Variants in FAM228B observed in about 807,000 individuals in gnomAD.
FAM228B encodes protein FAM228B.
In FAM228B, 38 loss-of-function variants were observed where a neutral mutation model predicts 42.6. The ratio of observed to expected loss-of-function variants is 0.89; its 90% confidence interval spans 0.69 to 1.17. FAM228B has a LOEUF of 1.17. Ranked by LOEUF, FAM228B falls within the 50% of genes most tolerant of loss-of-function variation. The probability of loss-of-function intolerance (pLI) is 0.00; values close to 1 mark genes in which losing one functional copy is unlikely to be tolerated. For missense variants in FAM228B, 344 were observed against 367.3 expected (o/e 0.94, Z 0.52); for synonymous variants, 109 against 122.3 (o/e 0.89, Z 0.72).
chr2:24,167,662 A>G lies in FAM228B; in HGVS notation c.968A>G (p.Glu323Gly), dbSNP rs1667458727. 6.4e-7 allele frequency: 1 copy of G among 1,551,426 alleles called. No individual in the cohort carries two copies. Among genetic ancestry groups the G allele is most frequent in the Non-Finnish European group, 8.7e-7 (1 of 1,146,882 alleles). ...CCGCGTTTGGGGCTGCTGAAGCTGGAGCTATAAGAAAGAAGAGGGAGGTAG... is the reference window on the plus strand; with the variant it reads ...CCGCGTTTGGGGCTGCTGAAGCTGGGGCTATAAGAAAGAAGAGGGAGGTAG... ...PSPRLGLLKL[E>G]L Residue 323 changes from glutamate to glycine, a missense_variant, in exon 10 of 11, where the codon GAG (glutamate) becomes GGG (glycine). Coordinates refer to ENST00000615575, the MANE Select transcript of FAM228B (RefSeq NM_001145710.2).
Position 24,164,201 on chromosome 2 carries a change from C to G in FAM228B, c.798C>G (p.Asn266Lys). 6.5e-7 allele frequency: 1 copy of G among 1,548,704 alleles called. No homozygotes were observed. Among genetic ancestry groups the G allele is most frequent in the Middle Eastern group, 1.7e-4 (1 of 5,972 alleles). Residue 266 changes from asparagine (N) to lysine (K), a missense_variant, in exon 9 of 11, where the codon AAC becomes AAG. Coordinates refer to ENST00000615575, the MANE Select transcript of FAM228B (RefSeq NM_001145710.2). ...CCTTTCTGGTTCCTTCCTGCAGAAA[C>G]AAAGGGTCATCCTTTCTAGAAAGAG... is the stretch of plus-strand genomic sequence containing the variant. ...QEEEKTVIYKNKGSSFLEREP... is the reference protein window; with the variant it reads ...QEEEKTVIYKKKGSSFLEREP...
Position 24,137,944 on chromosome 2 carries a change from A to C in FAM228B, c.204A>C (p.Leu68Phe). The change falls in exon 4 of 11, where the codon TTA (leucine) becomes TTC (phenylalanine). Residue 68 changes from leucine (L) to phenylalanine (F), a missense_variant. By Grantham distance (22) the Leu-to-Phe change is conservative (BLOSUM62 0). Coordinates refer to ENST00000615575, the MANE Select transcript of FAM228B (RefSeq NM_001145710.2). Reference sequence around the variant, plus strand: ...AGTATTTACAACATCATGCCTTCTTAAATGCAAGAAGAAAGGAGATGTTAT... The same window carrying C: ...AGTATTTACAACATCATGCCTTCTTCAATGCAAGAAGAAAGGAGATGTTAT... ...LDKYLQHHAF[L>F]NARRKEMLYK... is the part of the protein sequence containing the mutation. The C allele has an allele frequency of 1.3e-6, 2 of 1,539,464 alleles. No homozygotes were observed. Among genetic ancestry groups the C allele is most frequent in the Non-Finnish European group, 1.7e-6 (2 of 1,143,976 alleles).
intron 2 of FAM228B, chr2:24,083,216 G>C: frequency 6.8e-7 from 1 of 1,477,128 alleles, no homozygotes; most frequent in Non-Finnish European, 9.0e-7. Flanking sequence ...ACTACCCCTG[G>C]CCCCCCTTCC....
At chr2:24,089,506 G>A (rs1046127695) in intron 2 of FAM228B, among the ~76,000 whole-genome samples, 3 of 152,054 alleles carry the variant, frequency 2.0e-5, no homozygotes, top group African/African-American at 7.2e-5. Flanking sequence ...TTGATGTTGG[G>A]TTTGGCCCTG....
intron 3 of FAM228B, among the ~76,000 whole-genome samples, 197 bp downstream of exon 3, chr2:24,135,384 G>A (rs568195039): frequency 5.9e-5 from 9 of 152,278 alleles, no homozygotes; most frequent in Admixed American, 2.0e-4. Context: ...TACTTTGTGG[G>A]AATTCCTTTG....
chr2:24,168,804 G>C (rs1004026719), intron 10 of FAM228B, among the ~76,000 whole-genome samples: 3 of 152,126 alleles, frequency 2.0e-5, no homozygotes, highest in African/African-American at 7.2e-5. Context: ...CAGCACCCTG[G>C]ACTCAGGTGG....
At chr2:24,166,140 C>T (rs1667406547) in intron 9 of FAM228B, 1 of 148,710 alleles carries the variant, frequency 6.7e-6, no homozygotes, top group Non-Finnish European at 1.5e-5. Flanking sequence ...ATTTCTCATC[C>T]TAAGGTAATG....
Position 24,080,986 on chromosome 2 carries a change from C to T in FAM228B, c.-210+31C>T. ...TTGGATAGCAGCTGTGCCCACACCA[C>T]TCAGTCCTGCATGGATTAGCACATA... On this transcript the variant is annotated intron_variant, in intron 2 of 10. Transcript: ENST00000613899. The surrounding 1 kb of genome is among the most constrained non-coding windows in gnomAD (Gnocchi z 4.7). 2 of 1,614,224 alleles carry T rather than the reference C, an allele frequency of 1.2e-6. No homozygotes were observed. The highest frequency in any genetic ancestry group is 1.7e-6 in the Non-Finnish European group (2 of 1,180,038).
intron 3 of FAM228B, among the ~76,000 whole-genome samples, chr2:24,102,631 A>G (rs13409729): frequency 0.12 from 18,103 of 152,192 alleles, 1,257 homozygotes; most frequent in South Asian, 0.18. Context: ...CCAGCTACTC[A>G]GGAGGCTGAG....
At position 24,135,119 on chromosome 2, in the gene FAM228B, GT is replaced by G; in HGVS notation, c.104del (p.Leu35Ter). Reference sequence around the variant, plus strand: ...TCAAAGTTTAATTCTGTCCTTTCAGGTTTTAGCTAAAGAAGATACTGAGGCA... The same window carrying G: ...TCAAAGTTTAATTCTGTCCTTTCAGGTTTAGCTAAAGAAGATACTGAGGCA... ...LEPKPLCFMEVLAKEDTEAAI... is the reference protein window; with the variant it reads ...LEPKPLCFMEXLAKEDTEAAI... On this transcript the variant is annotated frameshift_variant and splice_region_variant, in exon 3 of 11. Coordinates refer to ENST00000615575, the MANE Select transcript of FAM228B (RefSeq NM_001145710.2). LOFTEE classifies it high-confidence loss of function. 1 of 1,488,364 alleles carries G rather than the reference GT, an allele frequency of 6.7e-7. No homozygotes were observed. Among genetic ancestry groups the G allele is most frequent in the Non-Finnish European group, 9.1e-7 (1 of 1,099,694 alleles). The allele number at this position is 1,488,364 out of a possible 1,614,324, so 92.2% of individuals were successfully genotyped here. A position where few individuals can be genotyped will look rare whatever the true frequency, so the allele number is the denominator to read the frequency against.
At chr2:24,111,518 G>T (rs1293571501) in intron 3 of FAM228B, among the ~76,000 whole-genome samples, 1 of 152,118 alleles carries the variant, frequency 6.6e-6, no homozygotes, top group Non-Finnish European at 1.5e-5. Flanking sequence ...AGTATTGATA[G>T]CTCAGTCTTT....
Position 24,077,458 on chromosome 2 carries a change from T to C in FAM228B, c.-290+489T>C. ...TTCCAGTTCACTCTTTATTTCCTCATATCAGCTTTAAACGGCTCTGGAGGA... is the reference window on the plus strand; with the variant it reads ...TTCCAGTTCACTCTTTATTTCCTCACATCAGCTTTAAACGGCTCTGGAGGA... On this transcript the variant is annotated intron_variant, in intron 1 of 10. Coordinates refer to the FAM228B transcript ENST00000613899. This position sits in a 1 kb window ranked among gnomAD's most constrained non-coding sequence, Gnocchi z 5.5. The C allele has an allele frequency of 8.5e-7, 1 of 1,178,568 alleles. No individual in the cohort carries two copies. The highest frequency in any genetic ancestry group is 1.1e-6 in the Non-Finnish European group (1 of 873,692). The allele number at this position is 1,178,568 out of a possible 1,614,324, so 73.0% of individuals were successfully genotyped here.
At chr2:24,159,694 T>C (rs1667244437) in intron 7 of FAM228B, among the ~76,000 whole-genome samples, 1 of 152,226 alleles carries the variant, frequency 6.6e-6, no homozygotes, top group African/African-American at 2.4e-5. Flanking sequence ...TTCCATTTTA[T>C]ACCAAATTTC....
At chr2:24,122,437 TAC>T (rs765149742), upstream of FAM228B, 23 of 1,613,172 alleles carry the variant, frequency 1.4e-5, no homozygotes, top group Non-Finnish European at 1.9e-5. Context: ...CTGGTGATGC[TAC>T]ACACAAGCTC....
At position 24,124,401 on chromosome 2, in the gene FAM228B, C is replaced by A; in HGVS notation, c.40C>A (p.Leu14Ile). Reference protein sequence around the residue: ...VDSDDLVTGTLPKLKSSKEWL... With the variant: ...VDSDDLVTGTIPKLKSSKEWL... ...CAGTGATGATCTGGTAACTGGCACA[C>A]TTCCCAAGCTCAAGAGCTCAAAAGA... The change falls in exon 2 of 11, where the codon CTT (leucine) becomes ATT (isoleucine). Residue 14 changes from leucine to isoleucine, a missense_variant. Coordinates refer to ENST00000615575, the MANE Select transcript of FAM228B (RefSeq NM_001145710.2). The A allele has an allele frequency of 6.4e-7, 1 of 1,552,032 alleles. No homozygotes were observed. Among genetic ancestry groups the A allele is most frequent in the Non-Finnish European group, 8.7e-7 (1 of 1,147,032 alleles).
rs565618713 is a variant in FAM228B at position 24,088,146 on chromosome 2, G to C, written c.-209-6995G>C. ...ATTTGCCTAGGCCTCCAAAAGTGCT[G>C]GGATTAGAGGTGTGAGCCACTGCGC... On this transcript the variant is annotated intron_variant, in intron 2 of 10. Coordinates refer to the FAM228B transcript ENST00000613899. Among the ~76,000 whole-genome samples the C allele has an allele frequency of 2.6e-3, 399 of 152,162 alleles. 1 individual carries two copies. Among genetic ancestry groups the C allele is most frequent in the African/African-American group, 9.1e-3 (377 of 41,498 alleles).
At chr2:24,143,342 G>A (rs545981660) in intron 5 of FAM228B, among the ~76,000 whole-genome samples, 2 of 152,052 alleles carry the variant, frequency 1.3e-5, no homozygotes, top group East Asian at 1.9e-4. Flanking sequence ...CACCACGCCC[G>A]GCTAATTTTG....
intron 7 of FAM228B, among the ~76,000 whole-genome samples, chr2:24,154,210 G>T (rs887274845): frequency 6.6e-6 from 1 of 152,248 alleles, no homozygotes; most frequent in Non-Finnish European, 1.5e-5. Context: ...GTGCTTTTCT[G>T]TGTGCAGATA....
At chr2:24,135,966 A>T (rs1424346) in intron 3 of FAM228B, among the ~76,000 whole-genome samples, 5 of 130,254 alleles carry the variant, frequency 3.8e-5, no homozygotes, top group Admixed American at 1.7e-4. Context: ...AAGGTCAGTT[A>T]TAGTGAAGGG....
Sources: gnomAD v4.1 joint callset for allele counts (sites outside exome capture counted in the v4.1 genomes callset) on GRCh38, gnomAD v4.1.1 for gene constraint, Gnocchi (gnomAD v3.1) non-coding constraint, MANE v1.5 for transcripts, NCBI Gene and HGNC (gene_info 2026-07-23, HGNC 2026-07-21) for gene names.